ATG7: variants seen among roughly 807,000 people sequenced by gnomAD.
ATG7 encodes the protein ubiquitin-like modifier-activating enzyme ATG7.
A neutral mutation model predicts 82.4 loss-of-function variants in ATG7; 70 were observed. The observed-to-expected ratio is 0.85, with a 90% confidence interval of 0.70 to 1.04. The LOEUF is 1.04. ATG7 is among the 50% of genes least tolerant of loss of function. The probability of loss-of-function intolerance (pLI) is 0.00; values close to 1 mark genes in which losing one functional copy is unlikely to be tolerated. For synonymous variants in ATG7, 287 were observed against 313.0 expected (o/e 0.92, Z 0.88); for missense variants, 792 against 864.3 (o/e 0.92, Z 1.05).
downstream of ATG7, chr3:11,558,712 G>T: frequency 6.2e-7 from 1 of 1,614,122 alleles, no homozygotes. Context: ...TGGCAAAGTG[G>T]TCGTCCACGG....
chr3:11,490,747 A>G (rs2090261755), intron 20 of ATG7, among the ~76,000 whole-genome samples: 1 of 152,136 alleles, frequency 6.6e-6, no homozygotes, highest in African/African-American at 2.4e-5. Flanking sequence ...GTTTGCCTGG[A>G]TATGAAATTC....
chr3:11,563,560 C>T, the ATG7 span, among the ~76,000 whole-genome samples: 8 of 152,248 alleles, frequency 5.3e-5, no homozygotes, highest in African/African-American at 1.9e-4. Flanking sequence ...TGGCTGCCCA[C>T]AGCTCTGCTC....
chr3:11,509,149 C>A (rs770924396), intron 20 of ATG7, among the ~76,000 whole-genome samples: 2 of 152,016 alleles, frequency 1.3e-5, no homozygotes, highest in Non-Finnish European at 2.9e-5. Flanking sequence ...TTTTTTCTTT[C>A]CAAGTTAGTT....
intron 3 of ATG7, among the ~76,000 whole-genome samples, chr3:11,287,533 T>G: frequency 6.6e-6 from 1 of 151,892 alleles, no homozygotes; most frequent in Non-Finnish European, 1.5e-5. Context: ...GCAGCGGCGG[T>G]CTGGGAGAAA....
chr3:11,334,140 T>C (rs1433294214), intron 11 of ATG7, among the ~76,000 whole-genome samples: 1 of 152,204 alleles, frequency 6.6e-6, no homozygotes, highest in African/African-American at 2.4e-5. Context: ...ATAAATGTTA[T>C]GTAAATTTCC....
At chr3:11,402,159 G>A (rs1011224164) in intron 19 of ATG7, among the ~76,000 whole-genome samples, 3 of 152,156 alleles carry the variant, frequency 2.0e-5, no homozygotes, top group Admixed American at 6.5e-5. Context: ...TAGACTGGGC[G>A]TGGTTGCTCA....
chr3:11,350,868 C>T (rs552541275), intron 14 of ATG7, among the ~76,000 whole-genome samples: 5 of 142,138 alleles, frequency 3.5e-5, no homozygotes, highest in Non-Finnish European at 7.5e-5. Flanking sequence ...GGGAGGAGAT[C>T]GCTTAAGGCC....
the ATG7 span, among the ~76,000 whole-genome samples, chr3:11,567,394 C>T: frequency 2.0e-5 from 3 of 152,036 alleles, no homozygotes; most frequent in Admixed American, 2.0e-4. Context: ...TTTTCTTCCC[C>T]TTTATTTTCT....
intron 19 of ATG7, among the ~76,000 whole-genome samples, chr3:11,398,474 CATTA>C (rs1185295069): frequency 1.3e-5 from 2 of 152,242 alleles, no homozygotes; most frequent in South Asian, 4.1e-4. Flanking sequence ...TTATAAAACT[CATTA>C]ATTAAGGATG....
chr3:11,333,531 T>C (rs1315556092), intron 11 of ATG7, among the ~76,000 whole-genome samples: 1 of 152,158 alleles, frequency 6.6e-6, no homozygotes, highest in African/African-American at 2.4e-5. Context: ...CCACATTTAA[T>C]ATCTTCATTT....
chr3:11,477,143 G>C (rs972109206), intron 20 of ATG7: 12 of 1,289,712 alleles, frequency 9.3e-6, no homozygotes, highest in Non-Finnish European at 1.1e-5. Context: ...GCATCTTTGA[G>C]ATCTTCGGCT....
In ATG7 at chr3:11,431,431, T is replaced by C. The variant is rs902137347; in HGVS notation, c.2079+4505T>C. Reference sequence around the variant, plus strand: ...ACAACACACACACACCTTTTTAAAGTGTGCAGTTCAGTGGTTTTTAGTATA... The same window carrying C: ...ACAACACACACACACCTTTTTAAAGCGTGCAGTTCAGTGGTTTTTAGTATA... On this transcript the variant is annotated intron_variant, in intron 20 of 20. Coordinates refer to ENST00000693202, the MANE Select transcript of ATG7 (RefSeq NM_001349232.2). Among the ~76,000 whole-genome samples the C allele has an allele frequency of 3.3e-5, 5 of 152,152 alleles. No homozygotes were observed. The East Asian group carries it at 5.8e-4, about 18-fold the overall frequency.
At chr3:11,514,029 C>G (rs921093918) in intron 20 of ATG7, among the ~76,000 whole-genome samples, 1 of 152,272 alleles carries the variant, frequency 6.6e-6, no homozygotes, top group Admixed American at 6.5e-5. Flanking sequence ...TGCCACTATG[C>G]CAAGCTAATT....
intron 20 of ATG7, among the ~76,000 whole-genome samples, chr3:11,541,772 TA>T (rs1477026692): frequency 2.0e-5 from 3 of 152,184 alleles, no homozygotes; most frequent in Non-Finnish European, 4.4e-5. Context: ...AACAAACATG[TA>T]AAAGTGCCTG....
downstream of ATG7, among the ~76,000 whole-genome samples, chr3:11,561,202 C>T (rs1269264267): frequency 6.6e-6 from 1 of 152,148 alleles, no homozygotes; most frequent in Non-Finnish European, 1.5e-5. Flanking sequence ...CGTGTCCTGA[C>T]CCACGCAAAT....
Position 11,456,557 on chromosome 3 carries a change from T to G in ATG7, c.2079+29631T>G, listed in dbSNP as rs994870166. ...TTTTTGTTCTATTCTTTTGGCAATA[T>G]GATATATTCTGATACTTAAACCCAT... On this transcript the variant is annotated intron_variant, in intron 20 of 20. Coordinates refer to ENST00000693202, the MANE Select transcript of ATG7 (RefSeq NM_001349232.2). Among the ~76,000 whole-genome samples, 8 of 152,192 alleles carry G rather than the reference T, an allele frequency of 5.3e-5. No homozygotes were observed. The East Asian group carries it at 1.5e-3, about 29-fold the overall frequency.
At chr3:11,361,428 G>C (rs1235930499) in intron 16 of ATG7, among the ~76,000 whole-genome samples, 2 of 151,950 alleles carry the variant, frequency 1.3e-5, no homozygotes, top group Non-Finnish European at 2.9e-5. Flanking sequence ...GAGATTACAG[G>C]TGTGTGCCAC....
At chr3:11,315,686 G>A (rs1304069766) in intron 9 of ATG7, among the ~76,000 whole-genome samples, 193 bp downstream of exon 9, 1 of 152,112 alleles carries the variant, frequency 6.6e-6, no homozygotes, top group African/African-American at 2.4e-5. Context: ...GGTTTTTCTA[G>A]CTCTACTACA....
chr3:11,554,393 GT>G (rs1213246021), intron 20 of ATG7, among the ~76,000 whole-genome samples: 1 of 152,166 alleles, frequency 6.6e-6, no homozygotes, highest in African/African-American at 2.4e-5. Flanking sequence ...AAGGCAGCAC[GT>G]GCCCATGCCA....
Sources: gnomAD v4.1 joint callset for allele counts (sites outside exome capture counted in the v4.1 genomes callset) on GRCh38, gnomAD v4.1.1 for gene constraint, MANE v1.5 for transcripts, NCBI Gene and HGNC (gene_info 2026-07-23, HGNC 2026-07-21) for gene names.